MPP2: variants seen among roughly 807,000 people sequenced by gnomAD.
MPP2 encodes the protein MAGUK p55 subfamily member 2.
MPP2 carries 42 observed loss-of-function variants against 58.5 expected under a neutral mutation model. The observed-to-expected ratio is 0.72, with a 90% confidence interval of 0.56 to 0.93. The LOEUF (loss-of-function observed/expected upper bound fraction) is 0.93. MPP2 is among the 40% of genes least tolerant of loss of function. MPP2 has a pLI of 0.00. For missense variants in MPP2, 632 were observed against 760.4 expected (o/e 0.83, Z 1.99); for synonymous variants, 300 against 307.8 (o/e 0.97, Z 0.26).
At position 43,879,227 on chromosome 17, in the gene MPP2, C is replaced by A; in HGVS notation, c.1482+48G>T. On this transcript the variant is annotated intron_variant, in intron 12 of 12. Transcript: ENST00000269095. This position sits in a 1 kb window ranked among gnomAD's most constrained non-coding sequence, Gnocchi z 4.1. Reference sequence around the variant, plus strand: ...CTGTCAGCTCAGGCCTGTCCCCCACCACCCTAGGCAGCTATCAGACCCCTC... The same window carrying A: ...CTGTCAGCTCAGGCCTGTCCCCCACAACCCTAGGCAGCTATCAGACCCCTC... 1 of 1,575,658 alleles carries A rather than the reference C, an allele frequency of 6.3e-7. No homozygotes were observed. Among genetic ancestry groups the A allele is most frequent in the South Asian group, 1.2e-5 (1 of 86,608 alleles).
In MPP2 at chr17:43,879,997, G is replaced by C; in HGVS notation, c.1151-13C>G. ...CGCCGGGAGGTGTCTAGGGGGATGG[G>C]GGTAGGTTGGACCAAATGGGCAGGG... On this transcript the variant is annotated splice_polypyrimidine_tract_variant and intron_variant, in intron 10 of 12. Transcript: ENST00000269095. This position sits in a 1 kb window ranked among gnomAD's most constrained non-coding sequence, Gnocchi z 4.1. The C allele has an allele frequency of 6.2e-7, 1 of 1,613,730 alleles. No homozygotes were observed. Among genetic ancestry groups the C allele is most frequent in the Non-Finnish European group, 8.5e-7 (1 of 1,179,798 alleles).
At chr17:43,901,342 T>G in intron 2 of MPP2, 1 of 985,436 alleles carries the variant, frequency 1.0e-6, no homozygotes, top group Non-Finnish European at 1.2e-6. Flanking sequence ...TTCCTCTTAA[T>G]GAAGGGGATG....
chr17:43,884,121 A>C, intron 3 of MPP2: 1 of 702,876 alleles, frequency 1.4e-6, no homozygotes, highest in Non-Finnish European at 2.6e-6. Flanking sequence ...AGGAACAAAG[A>C]CATTCTGCTG....
intron 6 of MPP2, among the ~76,000 whole-genome samples, chr17:43,881,978 T>G (rs187812529): frequency 3.3e-5 from 5 of 152,202 alleles, no homozygotes; most frequent in East Asian, 1.9e-4. Flanking sequence ...CCAGGACATA[T>G]GACAACCCCA....
chr17:43,888,714 A>G (rs2047473412), intron 3 of MPP2, among the ~76,000 whole-genome samples: 1 of 152,080 alleles, frequency 6.6e-6, no homozygotes, highest in Non-Finnish European at 1.5e-5. Flanking sequence ...TCAAGGGGGA[A>G]GCCAGGGTGC....
chr17:43,888,949 C>T (rs983655442), intron 3 of MPP2, among the ~76,000 whole-genome samples: 14 of 151,046 alleles, frequency 9.3e-5, no homozygotes, highest in African/African-American at 1.9e-4. Context: ...TTTTTTTAGA[C>T]GGAGTCTCAC....
At chr17:43,899,851 T>C (rs1454605493) in intron 2 of MPP2, among the ~76,000 whole-genome samples, 5 of 151,724 alleles carry the variant, frequency 3.3e-5, no homozygotes, top group African/African-American at 1.2e-4. Flanking sequence ...TGTGGCAAGT[T>C]CCGGGGAAAG....
chr17:43,880,722 C>A lies in MPP2; in HGVS notation c.1119G>T (p.Trp373Cys). Residue 373 changes from tryptophan to cysteine, a missense_variant, in exon 10 of 13, where the codon TGG becomes TGT. Physicochemically the swap from Trp to Cys is radical, Grantham distance 215. Coordinates refer to ENST00000269095, the MANE Select transcript of MPP2 (RefSeq NM_005374.5). The surrounding 1 kb of genome is among the most constrained non-coding windows in gnomAD (Gnocchi z 5.2). ...RRSLKNKLIM[W>C]DPDRYGTTVP... is the part of the protein sequence containing the mutation. ...CCGTGGTGCCATAGCGATCTGGATC[C>A]CACATGATGAGCTTGTTCTTCAGGC... 1 of 1,613,456 alleles carries A rather than the reference C, an allele frequency of 6.2e-7. No individual in the cohort carries two copies. The highest frequency in any genetic ancestry group is 2.2e-5 in the East Asian group (1 of 44,872).
At chr17:43,894,859 T>C (rs2047778399) in intron 3 of MPP2, among the ~76,000 whole-genome samples, 1 of 151,438 alleles carries the variant, frequency 6.6e-6, no homozygotes, top group Non-Finnish European at 1.5e-5. Flanking sequence ...AGGAGGATCA[T>C]TTGAGCCCAG....
At chr17:43,891,008 C>T (rs996761809) in intron 3 of MPP2, among the ~76,000 whole-genome samples, 2 of 152,212 alleles carry the variant, frequency 1.3e-5, no homozygotes, top group Non-Finnish European at 2.9e-5. Context: ...TGGTTTGTTA[C>T]ACAGCAAAAG....
chr17:43,876,753 T>C lies in MPP2; in HGVS notation c.*1054A>G, dbSNP rs1304860060. 1 of 152,220 alleles carries C rather than the reference T, an allele frequency of 6.6e-6. No individual in the cohort carries two copies. The highest frequency in any genetic ancestry group is 1.5e-5 in the Non-Finnish European group (1 of 68,098). The allele number at this position is 152,220 out of a possible 1,614,324, so 9.4% of individuals were successfully genotyped here. A position where few individuals can be genotyped will look rare whatever the true frequency, so the allele number is the denominator to read the frequency against. ...GAACCACAGGTTGTACAGACTACAG[T>C]GTAAATGGCGCCTCTGGAGTTGTGT... On this transcript the variant is annotated 3_prime_UTR_variant, in exon 13 of 13. Transcript: ENST00000269095.
chr17:43,880,814 C>T lies in MPP2; in HGVS notation c.1027G>A (p.Ala343Thr). 6.2e-7 allele frequency: 1 copy of T among 1,612,084 alleles called. No homozygotes were observed. Among genetic ancestry groups the T allele is most frequent in the African/African-American group, 1.3e-5 (1 of 75,020 alleles). ...TTCCGGCGGAACGGGGGCATGCGGG[C>T]CACCTCCTCATAAATGAGCAGCTCA... is the stretch of plus-strand genomic sequence containing the variant. ...RHELLIYEEVARMPPFRRKTL... is the reference protein window; with the variant it reads ...RHELLIYEEVTRMPPFRRKTL... The change falls in exon 10 of 13, where the codon GCC becomes ACC. Residue 343 changes from alanine to threonine, a missense_variant. Physicochemically the swap from Ala to Thr is moderately conservative, Grantham distance 58. Transcript: ENST00000269095. This position sits in a 1 kb window ranked among gnomAD's most constrained non-coding sequence, Gnocchi z 5.2.
rs566194654 is a variant in MPP2 at position 43,888,452 on chromosome 17, GCT to G, written c.151-5099_151-5098del. Reference sequence around the variant, plus strand: ...GCCCCAGAGTGAGGGAGGCGTCCCAGCTCTGGCTCTGTTACCCTGTGCCTAGG... The same window carrying G: ...GCCCCAGAGTGAGGGAGGCGTCCCAGCTGGCTCTGTTACCCTGTGCCTAGG... On this transcript the variant is annotated intron_variant, in intron 3 of 12. Coordinates refer to ENST00000269095, the MANE Select transcript of MPP2 (RefSeq NM_005374.5). Among the ~76,000 whole-genome samples, 411 of 152,332 alleles carry G rather than the reference GCT, an allele frequency of 2.7e-3. 2 individuals carry two copies. The highest frequency in any genetic ancestry group is 4.3e-3 in the Non-Finnish European group (294 of 68,028).
chr17:43,888,623 C>T (rs780808497), intron 3 of MPP2, among the ~76,000 whole-genome samples: 11 of 152,178 alleles, frequency 7.2e-5, no homozygotes, highest in Non-Finnish European at 1.5e-4. Flanking sequence ...CTGATGTGAG[C>T]ATTAGAGAAG....
chr17:43,886,177 G>A (rs2047361356), intron 3 of MPP2, among the ~76,000 whole-genome samples: 1 of 151,852 alleles, frequency 6.6e-6, no homozygotes, highest in Non-Finnish European at 1.5e-5. Context: ...TATACCCTTT[G>A]ATACCCTAGG....
chr17:43,904,369 A>G (rs2048210054), intron 2 of MPP2, 61 bp downstream of exon 2: 1 of 1,559,362 alleles, frequency 6.4e-7, no homozygotes, highest in African/African-American at 1.4e-5. Flanking sequence ...CCCACCCCTA[A>G]GTCCTCGCCT....
Position 43,881,357 on chromosome 17 carries a change from G to A in MPP2, c.814-8C>T, listed in dbSNP as rs773833327. 6.5e-5 allele frequency: 105 copies of A among 1,613,966 alleles called. 1 individual carries two copies. The Admixed American group carries it at 8.0e-4, about 12-fold the overall frequency. On this transcript the variant is annotated splice_polypyrimidine_tract_variant and splice_region_variant and intron_variant, in intron 7 of 12. Coordinates refer to ENST00000269095, the MANE Select transcript of MPP2 (RefSeq NM_005374.5). ...CCCTTCGACATGGCATGCCTAAAAC[G>A]GACATGAGACCAAGATCTGCCTGAG...
rs1456487709 is a variant in MPP2, at chr17:43,879,191, C to T, written c.1482+84G>A. The stretch of plus-strand genomic sequence containing the variant: ...AGGCCCCTGTCCCTCCCCAACACCA[C>T]CTCCTTCTCTCTGTCAGCTCAGGCC... On this transcript the variant is annotated intron_variant, in intron 12 of 12. Coordinates refer to ENST00000269095, the MANE Select transcript of MPP2 (RefSeq NM_005374.5). The surrounding 1 kb of genome is among the most constrained non-coding windows in gnomAD (Gnocchi z 4.1). The T allele has an allele frequency of 6.0e-6, 9 of 1,511,536 alleles. No individual in the cohort carries two copies. Among genetic ancestry groups the T allele is most frequent in the Middle Eastern group, 2.0e-4 (1 of 5,024 alleles). 93.6% of individuals were successfully genotyped at this position (1,511,536 alleles called of 1,614,324 possible). A position where few individuals can be genotyped will look rare whatever the true frequency, so the allele number is the denominator to read the frequency against.
In MPP2 at chr17:43,880,736, T is replaced by C. The variant is rs1567876211; in HGVS notation, c.1105A>G (p.Lys369Glu). The change falls in exon 10 of 13, where the codon AAG (lysine) becomes GAG (glutamate). Residue 369 changes from lysine to glutamate, a missense_variant. Coordinates refer to ENST00000269095, the MANE Select transcript of MPP2 (RefSeq NM_005374.5). The surrounding 1 kb of genome is among the most constrained non-coding windows in gnomAD (Gnocchi z 5.2). Reference protein sequence around the residue: ...QGVGRRSLKNKLIMWDPDRYG... With the variant: ...QGVGRRSLKNELIMWDPDRYG... ...CGATCTGGATCCCACATGATGAGCT[T>C]GTTCTTCAGGCTGCGCCGTCCCACG... The C allele has an allele frequency of 1.2e-6, 2 of 1,613,814 alleles. No homozygotes were observed. The highest frequency in any genetic ancestry group is 8.5e-7 in the Non-Finnish European group (1 of 1,179,812).
Sources: gnomAD v4.1 joint callset for allele counts (sites outside exome capture counted in the v4.1 genomes callset) on GRCh38, gnomAD v4.1.1 for gene constraint, Gnocchi (gnomAD v3.1) non-coding constraint, MANE v1.5 for transcripts, NCBI Gene and HGNC (gene_info 2026-07-23, HGNC 2026-07-21) for gene names.